The following SMC4 variants were observed in gnomAD, a reference collection of about 807,000 sequenced individuals.
The protein encoded by SMC4 is structural maintenance of chromosomes protein 4.
Under a neutral mutation model 145.6 loss-of-function variants are expected in SMC4, and 87 were observed. That is an observed-to-expected ratio of 0.60 (90% CI 0.50 to 0.71). The LOEUF (loss-of-function observed/expected upper bound fraction) is 0.71, where lower values mean the gene tolerates loss of function less well. Among genes scored for constraint, SMC4 ranks in the 30% least tolerant of loss-of-function variants. The probability of loss-of-function intolerance (pLI) is 0.00; values close to 1 mark genes in which losing one functional copy is unlikely to be tolerated. For missense variants in SMC4, 1,447 were observed against 1,537.1 expected (o/e 0.94, Z 0.98); for synonymous variants, 558 against 500.7 (o/e 1.11, Z -1.53).
rs761471970 is a variant in SMC4 at position 160,414,469 on chromosome 3, G to A, written c.1224G>A (p.Thr408=). 1.4e-5 allele frequency: 23 copies of A among 1,611,334 alleles called. No homozygotes were observed. Among genetic ancestry groups the A allele is most frequent in the Non-Finnish European group, 1.9e-5 (22 of 1,179,358 alleles). Residue 408 remains threonine, a synonymous_variant, in exon 9 of 24, where the codon ACG becomes ACA. Coordinates refer to ENST00000357388, the MANE Select transcript of SMC4 (RefSeq NM_001002800.3). ...TTAGAGAAAAGTTAAAACATGCCAC[G>A]AGTAAAGCCAAAAAACTGGAGAAAC... is the stretch of plus-strand genomic sequence containing the variant. The part of the protein sequence containing the change: ...VQVREKLKHA[T]SKAKKLEKQL...
chr3:160,401,905 A>G lies in SMC4; in HGVS notation c.140-10A>G, dbSNP rs761793669. ...TTTGCCTTCGTTTTCCTTTCCTTTC[A>G]CTGACTTAGAGACTGCAAGTGAGGA... On this transcript the variant is annotated splice_polypyrimidine_tract_variant and intron_variant, in intron 2 of 23. Transcript: ENST00000357388. 14 of 1,571,866 alleles carry G rather than the reference A, an allele frequency of 8.9e-6. No individual in the cohort carries two copies. Among genetic ancestry groups the G allele is most frequent in the Non-Finnish European group, 1.2e-5 (14 of 1,165,498 alleles).
At chr3:160,404,532 C>T (rs1219585554) in intron 5 of SMC4, 28 bp downstream of exon 5, 2 of 1,599,602 alleles carry the variant, frequency 1.3e-6, no homozygotes, top group Non-Finnish European at 1.7e-6. Flanking sequence ...TTCAAAGATT[C>T]TCTTATTCTT....
Position 160,420,843 on chromosome 3 carries a change from G to T in SMC4, c.1961G>T (p.Cys654Phe), listed in dbSNP as rs375610647. The T allele has an allele frequency of 1.1e-5, 17 of 1,613,704 alleles. No individual in the cohort carries two copies. Among genetic ancestry groups the T allele is most frequent in the Non-Finnish European group, 1.3e-5 (15 of 1,179,832 alleles). Residue 654 changes from cysteine to phenylalanine, a missense_variant, in exon 13 of 24, where the codon TGT becomes TTT. Cys to Phe is a radical substitution (Grantham distance 205). Transcript: ENST00000357388. Reference protein sequence around the residue: ...VVDSIDIAQECVNFLKRQNIG... With the variant: ...VVDSIDIAQEFVNFLKRQNIG... ...GATTCTATTGATATAGCCCAAGAAT[G>T]TGTAAACTTCCTTAAAAGACAAAAT...
At chr3:160,421,622 T>C (rs1717187549) in intron 13 of SMC4, among the ~76,000 whole-genome samples, 1 of 152,114 alleles carries the variant, frequency 6.6e-6, no homozygotes, top group Non-Finnish European at 1.5e-5. Flanking sequence ...CAGGCGCCTG[T>C]AATCTCAGCT....
At position 160,401,937 on chromosome 3, in the gene SMC4, T is replaced by C. The variant is rs781492311; in HGVS notation, c.162T>C (p.Asp54=). Residue 54 remains aspartate (D), a synonymous_variant, in exon 3 of 24, where the codon GAT becomes GAC. Coordinates refer to ENST00000357388, the MANE Select transcript of SMC4 (RefSeq NM_001002800.3). Reference sequence around the variant, plus strand: ...TAGAGACTGCAAGTGAGGAACTTGATAATAGAAGTTTAGAAGAGATTTTGA... The same window carrying C: ...TAGAGACTGCAAGTGAGGAACTTGACAATAGAAGTTTAGAAGAGATTTTGA... ...TAAETASEEL[D]NRSLEEILNS... 9.4e-6 allele frequency: 15 copies of C among 1,603,480 alleles called. No individual in the cohort carries two copies. The highest frequency in any genetic ancestry group is 1.7e-4 in the Middle Eastern group (1 of 5,982).
Position 160,432,531 on chromosome 3 carries a change from G to A in SMC4, c.3530+16G>A. 1 of 1,468,294 alleles carries A rather than the reference G, an allele frequency of 6.8e-7. No individual in the cohort carries two copies. Among genetic ancestry groups the A allele is most frequent in the Non-Finnish European group, 9.3e-7 (1 of 1,073,908 alleles). The allele number at this position is 1,468,294 out of a possible 1,614,324, so 91.0% of individuals were successfully genotyped here. On this transcript the variant is annotated intron_variant, in intron 22 of 23. Coordinates refer to ENST00000357388, the MANE Select transcript of SMC4 (RefSeq NM_001002800.3). ...TCATGTTCAGGTGTGTAATTATGCT[G>A]AGTTTATAATCCCACTGTTACCTTT...
intron 5 of SMC4, among the ~76,000 whole-genome samples, chr3:160,406,554 G>C (rs989696049): frequency 1.3e-5 from 2 of 152,084 alleles, no homozygotes; most frequent in Non-Finnish European, 2.9e-5. Flanking sequence ...ATTGGAAACA[G>C]CATCGTAGTA....
At chr3:160,404,096 GT>G (rs1435904426) in intron 4 of SMC4, 1 of 430,306 alleles carries the variant, frequency 2.3e-6, no homozygotes, top group African/African-American at 2.1e-5. Context: ...TGGCTGGTTG[GT>G]TTGGCTTCTT....
At position 160,433,064 on chromosome 3, in the gene SMC4, A is replaced by G. The variant is rs1237894968; in HGVS notation, c.3569A>G (p.Asn1190Ser). The change falls in exon 23 of 24, where the codon AAC becomes AGC. Residue 1190 changes from asparagine to serine, a missense_variant. By Grantham distance (46) the Asn-to-Ser change is conservative. Coordinates refer to ENST00000357388, the MANE Select transcript of SMC4 (RefSeq NM_001002800.3). ...AAGAAAAGTTGGAAAAAGATCTTCA[A>G]CCTTTCGGGAGGAGAGAAAACACTT... ...PPKKSWKKIF[N>S]LSGGEKTLSS... 3 of 1,613,536 alleles carry G rather than the reference A, an allele frequency of 1.9e-6. No individual in the cohort carries two copies. Among genetic ancestry groups the G allele is most frequent in the African/African-American group, 1.3e-5 (1 of 74,894 alleles).
intron 13 of SMC4, among the ~76,000 whole-genome samples, chr3:160,421,385 A>G (rs751622828): frequency 6.6e-6 from 1 of 152,230 alleles, no homozygotes; most frequent in African/African-American, 2.4e-5. Context: ...CAGTGCCTCC[A>G]CTAAAGGAAT....
Position 160,423,458 on chromosome 3 carries a change from C to G in SMC4, c.2053C>G (p.Gln685Glu), listed in dbSNP as rs1299280512. ...ATGGGCGAAAAAGATGACCGAAATT[C>G]AAACTCCTGAAAATACTCCTCGTTT... ...AVWAKKMTEI[Q>E]TPENTPRLFD... The change falls in exon 14 of 24, where the codon CAA (glutamine) becomes GAA (glutamate). Residue 685 changes from glutamine to glutamate, a missense_variant. Gln to Glu is a conservative substitution (Grantham distance 29). Coordinates refer to ENST00000357388, the MANE Select transcript of SMC4 (RefSeq NM_001002800.3). 1.9e-6 allele frequency: 3 copies of G among 1,583,124 alleles called. No homozygotes were observed. Among genetic ancestry groups the G allele is most frequent in the South Asian group, 2.2e-5 (2 of 89,858 alleles).
rs781517535 is a variant in SMC4 at position 160,431,191 on chromosome 3, T to C, written c.3100T>C (p.Tyr1034His). The C allele has an allele frequency of 1.3e-6, 2 of 1,576,494 alleles. No individual in the cohort carries two copies. The highest frequency in any genetic ancestry group is 1.7e-6 in the Non-Finnish European group (2 of 1,167,610). Residue 1034 changes from tyrosine (Y) to histidine (H), a missense_variant, in exon 20 of 24, where the codon TAT becomes CAT. Coordinates refer to ENST00000357388, the MANE Select transcript of SMC4 (RefSeq NM_001002800.3). Reference protein sequence around the residue: ...HIAEHNSKIKYWHKEISKISL... With the variant: ...HIAEHNSKIKHWHKEISKISL... ...TGCTGAACATAATTCTAAAATAAAATATTGGCACAAAGAGGTGAGATTGTT... is the reference window on the plus strand; with the variant it reads ...TGCTGAACATAATTCTAAAATAAAACATTGGCACAAAGAGGTGAGATTGTT...
At chr3:160,410,346 A>G (rs907009437) in intron 5 of SMC4, among the ~76,000 whole-genome samples, 5 of 152,170 alleles carry the variant, frequency 3.3e-5, no homozygotes, top group African/African-American at 4.8e-5. Context: ...GATAAACCCT[A>G]CGTAGATACA....
At chr3:160,428,604 GTTT>G (rs200972496) in intron 17 of SMC4, 146 bp from the exon 18 acceptor site, 1 of 534,762 alleles carries the variant, frequency 1.9e-6, no homozygotes. Flanking sequence ...ACAGGATATC[GTTT>G]TTTTTTTTAA....
intron 17 of SMC4, among the ~76,000 whole-genome samples, chr3:160,427,937 G>A (rs1004342681): frequency 6.6e-6 from 1 of 151,850 alleles, no homozygotes. Context: ...AAATACACAC[G>A]CACGCACACA....
Position 160,431,572 on chromosome 3 carries a change from A to T in SMC4, c.3115-71A>T, listed in dbSNP as rs28432047. ...TTTTCATAGCTGTGTAATTTGTCAT[A>T]TTTTTTTTTAAACAATGAATTGTAT... On this transcript the variant is annotated intron_variant, in intron 20 of 23. Coordinates refer to ENST00000357388, the MANE Select transcript of SMC4 (RefSeq NM_001002800.3). The T allele has an allele frequency of 4.7e-3, 5,363 of 1,148,462 alleles. 164 individuals carry two copies. In the African/African-American group the frequency reaches 0.076, roughly 16 times the overall value. 71.1% of individuals were successfully genotyped at this position (1,148,462 alleles called of 1,614,324 possible).
chr3:160,430,916 A>C (rs1157005499), intron 19 of SMC4, 116 bp from the exon 20 acceptor site: 2 of 1,275,924 alleles, frequency 1.6e-6, no homozygotes, highest in African/African-American at 3.1e-5. Context: ...TAAATGCTTA[A>C]ATTATTTTAA....
intron 21 of SMC4, 82 bp downstream of exon 21, chr3:160,431,907 T>C (rs1342388009): frequency 1.4e-6 from 2 of 1,420,780 alleles, no homozygotes; most frequent in Non-Finnish European, 1.9e-6. Flanking sequence ...TTTGTATAAT[T>C]AACAATGCTG....
intron 13 of SMC4, among the ~76,000 whole-genome samples, chr3:160,422,916 T>C (rs900714072): frequency 3.9e-5 from 6 of 152,190 alleles, no homozygotes; most frequent in African/African-American, 1.4e-4. Context: ...CTTTACCCCA[T>C]TGAATTTTCT....
Sources: allele counts gnomAD v4.1 joint callset (sites outside exome capture counted in the v4.1 genomes callset), GRCh38; gene constraint gnomAD v4.1.1; transcripts MANE v1.5; gene names NCBI Gene and HGNC (gene_info 2026-07-23, HGNC 2026-07-21).